The following NOTCH4 variants were observed in gnomAD, a reference collection of about 807,000 sequenced individuals.
NOTCH4 encodes neurogenic locus notch homolog protein 4.
In NOTCH4, 138 loss-of-function variants were observed where a neutral mutation model predicts 189.0. The observed-to-expected ratio is 0.73, with a 90% CI of 0.64 to 0.84. The LOEUF (loss-of-function observed/expected upper bound fraction) is 0.84. Among genes scored for constraint, NOTCH4 ranks in the 40% least tolerant of loss-of-function variants. The pLI is 0.00. For missense variants in NOTCH4, 2,286 were observed against 2,605.4 expected (o/e 0.88, Z 2.67); for synonymous variants, 942 against 1,032.8 (o/e 0.91, Z 1.69).
rs1040448066 is a variant in NOTCH4, at chr6:32,196,101, G to A, written c.5348C>T (p.Ala1783Val). 2 of 1,592,318 alleles carry A rather than the reference G, an allele frequency of 1.3e-6. No homozygotes were observed. Among genetic ancestry groups the A allele is most frequent in the African/African-American group, 2.7e-5 (2 of 74,694 alleles). The change falls in exon 30 of 30, where the codon GCC (alanine) becomes GTC (valine). Residue 1783 changes from alanine to valine, a missense_variant. By Grantham distance (64) the Ala-to-Val change is moderately conservative. Around this residue, in one of 2 missense-constraint regions of NOTCH4, gnomAD observed 383 missense variants for 343.5 expected, o/e 1.11. Coordinates refer to ENST00000375023, the MANE Select transcript of NOTCH4 (RefSeq NM_004557.4). Reference sequence around the variant, plus strand: ...TGCCCCCAGCCCCAGCAGTAGCTGGGCTACTTCCACCGCTCCTTCCCGCGC... The same window carrying A: ...TGCCCCCAGCCCCAGCAGTAGCTGGACTACTTCCACCGCTCCTTCCCGCGC... ...LAAREGAVEV[A>V]QLLLGLGAAR...
rs2127487836 is a variant in NOTCH4, at chr6:32,220,607, C to G, written c.957G>C (p.Glu319Asp). 1.2e-6 allele frequency: 2 copies of G among 1,613,836 alleles called. No individual in the cohort carries two copies. The highest frequency in any genetic ancestry group is 1.7e-6 in the Non-Finnish European group (2 of 1,179,924). The stretch of plus-strand genomic sequence containing the variant: ...TTCTGCAGTGAGGGGGACCCTGGGT[C>G]TCACACTCATCCACATCTTCGGAGC... ...WDCSEDVDEC[E>D]TQGPPHCRNG... Residue 319 changes from glutamate (E) to aspartate (D), a missense_variant, in exon 6 of 30, where the codon GAG becomes GAC. Coordinates refer to ENST00000375023, the MANE Select transcript of NOTCH4 (RefSeq NM_004557.4).
chr6:32,195,449 C>G lies in NOTCH4; in HGVS notation c.6000G>C (p.Glu2000Asp), dbSNP rs1787802421. The G allele has an allele frequency of 1.3e-6, 2 of 1,595,334 alleles. No individual in the cohort carries two copies. The highest frequency in any genetic ancestry group is 4.5e-5 in the East Asian group (2 of 44,650). The stretch of plus-strand genomic sequence containing the variant: ...ACCATGTATTCTTCTATTTTTTACC[C>G]TCTCCTCCTTGGTTTATGGGCATTT... ...LQEMPINQGGEGKK is the reference protein window; with the variant it reads ...LQEMPINQGGDGKK The change falls in exon 30 of 30, where the codon GAG (glutamate) becomes GAC (aspartate). Residue 2000 changes from glutamate to aspartate, a missense_variant. Glu to Asp is a conservative substitution (Grantham distance 45). Transcript: ENST00000375023. The surrounding 1 kb of genome is among the most constrained non-coding windows in gnomAD (Gnocchi z 5.4).
rs550957162 is a variant in NOTCH4 at position 32,200,159 on chromosome 6, G to A, written c.4315+672C>T. Reference sequence around the variant, plus strand: ...GGGTTGTGGGGGAGGATTAAATGAGGTAACAATGTAAAATGCTTAGAGTAA... The same window carrying A: ...GGGTTGTGGGGGAGGATTAAATGAGATAACAATGTAAAATGCTTAGAGTAA... On this transcript the variant is annotated intron_variant, in intron 23 of 29. Coordinates refer to ENST00000375023, the MANE Select transcript of NOTCH4 (RefSeq NM_004557.4). The surrounding 1 kb of genome is among the most constrained non-coding windows in gnomAD (Gnocchi z 5.0). 4.1e-4 allele frequency among the ~76,000 whole-genome samples: 62 copies of A among 152,122 alleles called. 1 individual carries two copies. The highest frequency in any genetic ancestry group is 1.2e-3 in the African/African-American group (48 of 41,484).
At position 32,197,496 on chromosome 6, in the gene NOTCH4, G is replaced by C. The variant is rs755664291; in HGVS notation, c.4855C>G (p.Leu1619Val). 6.2e-6 allele frequency: 10 copies of C among 1,605,996 alleles called. No homozygotes were observed. The highest frequency in any genetic ancestry group is 1.7e-5 in the Admixed American group (1 of 58,364). Residue 1619 changes from leucine (L) to valine (V), a missense_variant, in exon 27 of 30, where the codon CTG becomes GTG. By Grantham distance (32) the Leu-to-Val change is conservative. Transcript: ENST00000375023. ...WLGCPEPWEP[L>V]LDGGACPQAH... is the part of the protein sequence containing the mutation. ...TGGGGACAGGCCCCTCCATCCAGCA[G>C]AGGTTCCCAGGGCTCAGGACATCCC...
chr6:32,212,391 G>C lies in NOTCH4; in HGVS notation c.2680+83C>G. ...CAGATGGTTGTTTTGGCCAAAAGCT[G>C]TGTGGAAGCCCACAGGAACGGGGCA... On this transcript the variant is annotated intron_variant, in intron 17 of 29. Transcript: ENST00000375023. The surrounding 1 kb of genome is among the most constrained non-coding windows in gnomAD (Gnocchi z 4.4). The C allele has an allele frequency of 7.2e-7, 1 of 1,379,760 alleles. No individual in the cohort carries two copies. The highest frequency in any genetic ancestry group is 2.3e-5 in the East Asian group (1 of 42,900). 85.5% of individuals were successfully genotyped at this position (1,379,760 alleles called of 1,614,324 possible).
At chr6:32,207,514 C>T (rs1418157724) in intron 18 of NOTCH4, among the ~76,000 whole-genome samples, 1 of 151,148 alleles carries the variant, frequency 6.6e-6, no homozygotes, top group Non-Finnish European at 1.5e-5. Context: ...GTTCCAGCTA[C>T]TCAGGAGGCT....
At chr6:32,220,358 AC>A in intron 6 of NOTCH4, 46 bp downstream of exon 6, 1 of 1,610,952 alleles carries the variant, frequency 6.2e-7, no homozygotes, top group Non-Finnish European at 8.5e-7. Context: ...TGCTTCTCTC[AC>A]CCTCCTTCTC....
chr6:32,213,966 C>T, intron 13 of NOTCH4, 126 bp from the exon 14 acceptor site: 4 of 1,416,416 alleles, frequency 2.8e-6, no homozygotes, highest in East Asian at 4.6e-5. Context: ...CCTCCGTTCT[C>T]ACCACCTCCC....
At chr6:32,196,181 G>A (rs779825913) in intron 29 of NOTCH4, 31 bp from the exon 30 acceptor site, 1 of 1,591,644 alleles carries the variant, frequency 6.3e-7, no homozygotes, top group South Asian at 1.1e-5. Flanking sequence ...CGATATCAGG[G>A]AAGGCCACGC....
chr6:32,216,813 AAAT>A (rs1424699586), intron 11 of NOTCH4, 129 bp downstream of exon 11: 1 of 1,137,460 alleles, frequency 8.8e-7, no homozygotes, highest in South Asian at 1.3e-5. Flanking sequence ...GTTTTACACT[AAAT>A]AACTTTAAAG....
chr6:32,202,652 T>A lies in NOTCH4; in HGVS notation c.3232-53A>T. 6.7e-7 allele frequency: 1 copy of A among 1,502,472 alleles called. No homozygotes were observed. The highest frequency in any genetic ancestry group is 8.9e-7 in the Non-Finnish European group (1 of 1,119,956). The allele number at this position is 1,502,472 out of a possible 1,614,324, so 93.1% of individuals were successfully genotyped here. A position where few individuals can be genotyped will look rare whatever the true frequency, so the allele number is the denominator to read the frequency against. ...ATGCAACTTGCATTATTCTTCCCGC[T>A]CTCCATCAAGCAAACTCTTGGGTTA... On this transcript the variant is annotated intron_variant, in intron 20 of 29. Coordinates refer to ENST00000375023, the MANE Select transcript of NOTCH4 (RefSeq NM_004557.4). This position sits in a 1 kb window ranked among gnomAD's most constrained non-coding sequence, Gnocchi z 5.7.
At chr6:32,196,456 G>C (rs1787933084) in intron 28 of NOTCH4, 35 bp from the exon 29 acceptor site, 2 of 1,608,364 alleles carry the variant, frequency 1.2e-6, no homozygotes, top group Non-Finnish European at 1.7e-6. Flanking sequence ...TACCCCAGTT[G>C]GGGGCCAGAC....
intron 18 of NOTCH4, among the ~76,000 whole-genome samples, chr6:32,209,784 G>A (rs2127474521): frequency 6.6e-6 from 1 of 152,038 alleles, no homozygotes; most frequent in African/African-American, 2.4e-5. Context: ...TCGGGAGGCT[G>A]AGACATGAGA....
chr6:32,201,931 G>C lies in NOTCH4; in HGVS notation c.3755+145C>G, dbSNP rs560934827. On this transcript the variant is annotated intron_variant, in intron 21 of 29. Transcript: ENST00000375023. This position sits in a 1 kb window ranked among gnomAD's most constrained non-coding sequence, Gnocchi z 5.5. ...CCCTAGGTTGGAGTCCAGAGTCTTCGACCCCTGTTTAGTGATGGTTATTAG... is the reference window on the plus strand; with the variant it reads ...CCCTAGGTTGGAGTCCAGAGTCTTCCACCCCTGTTTAGTGATGGTTATTAG... 2 of 709,298 alleles carry C rather than the reference G, an allele frequency of 2.8e-6. No individual in the cohort carries two copies. Among genetic ancestry groups the C allele is most frequent in the East Asian group, 3.2e-5 (1 of 31,678 alleles). 43.9% of individuals were successfully genotyped at this position (709,298 alleles called of 1,614,324 possible).
At chr6:32,205,157 C>T (rs1788595022) in intron 18 of NOTCH4, among the ~76,000 whole-genome samples, 1 of 151,322 alleles carries the variant, frequency 6.6e-6, no homozygotes, top group Non-Finnish European at 1.5e-5. Context: ...AGGCAGGCTT[C>T]AAAGAGAGAA....
intron 2 of NOTCH4, 60 bp downstream of exon 2, chr6:32,222,945 C>T (rs1582829960): frequency 6.6e-7 from 1 of 1,519,376 alleles, no homozygotes; most frequent in Non-Finnish European, 9.1e-7. Context: ...CCTCACCTCT[C>T]CCCCCCTGCT....
Position 32,198,791 on chromosome 6 carries a change from T to C in NOTCH4, c.4536-61A>G. 6.5e-7 allele frequency: 1 copy of C among 1,531,320 alleles called. No individual in the cohort carries two copies. The highest frequency in any genetic ancestry group is 8.8e-7 in the Non-Finnish European group (1 of 1,134,998). The allele number at this position is 1,531,320 out of a possible 1,614,324, so 94.9% of individuals were successfully genotyped here. A position where few individuals can be genotyped will look rare whatever the true frequency, so the allele number is the denominator to read the frequency against. ...TTATGACCATCAGGGTCTCCAAAAT[T>C]TCCAGCAGGCTTCCCACCCCTCTCT... On this transcript the variant is annotated intron_variant, in intron 24 of 29. Coordinates refer to ENST00000375023, the MANE Select transcript of NOTCH4 (RefSeq NM_004557.4). This position sits in a 1 kb window ranked among gnomAD's most constrained non-coding sequence, Gnocchi z 5.5.
At chr6:32,203,645 G>A (rs1428611014) in intron 20 of NOTCH4, 125 bp downstream of exon 20, 1 of 684,674 alleles carries the variant, frequency 1.5e-6, no homozygotes, top group Non-Finnish European at 2.4e-6. Context: ...TGTGAGCTTG[G>A]CATGGCTTTT....
intron 18 of NOTCH4, among the ~76,000 whole-genome samples, chr6:32,207,257 A>C (rs1788738641): frequency 6.6e-6 from 1 of 151,286 alleles, no homozygotes; most frequent in Non-Finnish European, 1.5e-5. Context: ...AAAGGCACCA[A>C]GTACACACAC....
Sources: gnomAD v4.1 joint callset for allele counts (sites outside exome capture counted in the v4.1 genomes callset) on GRCh38, gnomAD v4.1.1 for gene constraint, gnomAD v4.1.1 regional missense constraint, Gnocchi (gnomAD v3.1) non-coding constraint, MANE v1.5 for transcripts, NCBI Gene and HGNC (gene_info 2026-07-23, HGNC 2026-07-21) for gene names.